ENDOV: variants seen among roughly 807,000 people sequenced by gnomAD.
The protein encoded by ENDOV is endonuclease V.
A neutral mutation model predicts 39.4 loss-of-function variants in ENDOV; 37 were observed. That is an observed-to-expected ratio of 0.94 (90% CI 0.72 to 1.23). ENDOV has a LOEUF of 1.23. ENDOV is among the 50% of genes most tolerant of loss of function. The pLI is 0.00. For missense variants in ENDOV, 441 were observed against 375.7 expected (o/e 1.17, Z -1.44); for synonymous variants, 186 against 163.4 (o/e 1.14, Z -1.05).
chr17:80,415,725 TC>T lies in ENDOV; in HGVS notation c.133del (p.Leu45CysfsTer12). 6.2e-7 allele frequency: 1 copy of T among 1,609,580 alleles called. No homozygotes were observed. The highest frequency in any genetic ancestry group is 8.5e-7 in the Non-Finnish European group (1 of 1,178,124). ...AWQRDPAFSG[L>X]QRVGGVDVSF... is the part of the protein sequence containing the mutation. ...GGCAGCGAGACCCCGCCTTCTCGGG[TC>T]TGCAGAGGGTCGGGGGCGTTGACGT... is the stretch of plus-strand genomic sequence containing the variant. On this transcript the variant is annotated frameshift_variant, in exon 2 of 10. Transcript: ENST00000518137. LOFTEE classifies it high-confidence loss of function.
Position 80,436,499 on chromosome 17 carries a change from T to A in ENDOV, c.*356T>A. On this transcript the variant is annotated 3_prime_UTR_variant, in exon 10 of 10. Transcript: ENST00000518137. ...TATCCTTAAAGGGTACTGGATTTTG[T>A]CAAATGCTTTTCTGGCCTCTATTGA... is the stretch of plus-strand genomic sequence containing the variant. 1 of 597,914 alleles carries A rather than the reference T, an allele frequency of 1.7e-6. No homozygotes were observed. Among genetic ancestry groups the A allele is most frequent in the Non-Finnish European group, 2.5e-6 (1 of 403,280 alleles). The allele number at this position is 597,914 out of a possible 1,614,324, so 37.0% of individuals were successfully genotyped here.
At chr17:80,422,093 T>C in intron 3 of ENDOV, 113 bp from the exon 4 acceptor site, 1 of 1,567,080 alleles carries the variant, frequency 6.4e-7, no homozygotes. Flanking sequence ...GGAATGAGGA[T>C]TTCTAAAAAG....
In ENDOV at chr17:80,436,460, T is replaced by G; in HGVS notation, c.*317T>G. The G allele has an allele frequency of 1.0e-6, 1 of 1,004,418 alleles. No homozygotes were observed. Among genetic ancestry groups the G allele is most frequent in the Non-Finnish European group, 1.3e-6 (1 of 755,852 alleles). 62.2% of individuals were successfully genotyped at this position (1,004,418 alleles called of 1,614,324 possible). On this transcript the variant is annotated 3_prime_UTR_variant, in exon 10 of 10. Transcript: ENST00000518137. Reference sequence around the variant, plus strand: ...GAAGACGGTCCCTTCTAGTCCTAATTTGTTAAGTGTTTTTATCCTTAAAGG... The same window carrying G: ...GAAGACGGTCCCTTCTAGTCCTAATGTGTTAAGTGTTTTTATCCTTAAAGG...
intron 9 of ENDOV, chr17:80,430,381 T>C (rs2083259683): frequency 2.0e-6 from 3 of 1,517,888 alleles, no homozygotes; most frequent in African/African-American, 2.8e-5. Flanking sequence ...ACATATTTGT[T>C]TGTTTGTTTA....
At chr17:80,432,209 G>A (rs908045186) in intron 9 of ENDOV, among the ~76,000 whole-genome samples, 8 of 152,108 alleles carry the variant, frequency 5.3e-5, no homozygotes, top group Non-Finnish European at 1.2e-4. Context: ...TTAAAGGTGG[G>A]GATACACATA....
chr17:80,425,011 A>G, intron 5 of ENDOV, 21 bp from the exon 6 acceptor site: 3 of 1,606,334 alleles, frequency 1.9e-6, no homozygotes, highest in Non-Finnish European at 1.7e-6. Context: ...TTTTTTCCCC[A>G]TTTTTCCCTC....
At chr17:80,426,949 G>C (rs1410823043) in intron 7 of ENDOV, among the ~76,000 whole-genome samples, 1 of 152,216 alleles carries the variant, frequency 6.6e-6, no homozygotes, top group Non-Finnish European at 1.5e-5. Context: ...TTACCCCACC[G>C]CTTGCCCTGC....
chr17:80,424,043 C>G (rs527810085), intron 5 of ENDOV: 3 of 372,264 alleles, frequency 8.1e-6, no homozygotes, highest in African/African-American at 6.3e-5. Flanking sequence ...AGGCCCCCCT[C>G]CCGCCAAGAC....
At chr17:80,430,622 A>T (rs2083274562) in intron 9 of ENDOV, among the ~76,000 whole-genome samples, 2 of 152,284 alleles carry the variant, frequency 1.3e-5, no homozygotes, top group South Asian at 4.1e-4. Context: ...GCCTCATCTC[A>T]GCCTGGAGGG....
rs1330552153 is a variant in ENDOV, at chr17:80,429,805, C to G, written c.812C>G (p.Pro271Arg). The change falls in exon 9 of 10, where the codon CCC (proline) becomes CGC (arginine). Residue 271 changes from proline (P) to arginine (R), a missense_variant. Transcript: ENST00000518137. Reference sequence around the variant, plus strand: ...AAGGCGCAGAGGCCAGTGGCATGCCCCAAAGGAGACTCCGGAGAGTCCTCA... The same window carrying G: ...AAGGCGCAGAGGCCAGTGGCATGCCGCAAAGGAGACTCCGGAGAGTCCTCA... ...SPKAQRPVACPKGDSGESSAL... is the reference protein window; with the variant it reads ...SPKAQRPVACRKGDSGESSAL... 6.2e-7 allele frequency: 1 copy of G among 1,612,386 alleles called. No homozygotes were observed. The highest frequency in any genetic ancestry group is 1.3e-5 in the African/African-American group (1 of 74,914).
At chr17:80,424,809 G>T (rs955805370) in intron 5 of ENDOV, among the ~76,000 whole-genome samples, 1 of 152,142 alleles carries the variant, frequency 6.6e-6, no homozygotes, top group Non-Finnish European at 1.5e-5. Context: ...CAAAAAATTA[G>T]CCGGGCGTGG....
chr17:80,433,096 T>C (rs925079855), intron 9 of ENDOV: 10 of 519,890 alleles, frequency 1.9e-5, no homozygotes, highest in Non-Finnish European at 3.8e-5. Flanking sequence ...CTTCTAGAGC[T>C]TTCCCTGTCC....
At chr17:80,426,258 A>G (rs1003596727) in intron 7 of ENDOV, among the ~76,000 whole-genome samples, 2 of 152,226 alleles carry the variant, frequency 1.3e-5, no homozygotes, top group African/African-American at 2.4e-5. Context: ...GTCCCAGAGA[A>G]GCCCACAGAG....
At chr17:80,433,362 G>A (rs1186088518) in intron 9 of ENDOV, among the ~76,000 whole-genome samples, 1 of 152,226 alleles carries the variant, frequency 6.6e-6, no homozygotes, top group African/African-American at 2.4e-5. Flanking sequence ...GAGAGGTGAG[G>A]CCCACAAGGC....
chr17:80,428,321 A>G, intron 7 of ENDOV: 1 of 484,218 alleles, frequency 2.1e-6, no homozygotes. Context: ...GGACCCCCTC[A>G]CTCAGCCTGT....
intron 7 of ENDOV, among the ~76,000 whole-genome samples, chr17:80,426,797 T>A (rs1385499275): frequency 6.6e-6 from 1 of 152,164 alleles, no homozygotes; most frequent in African/African-American, 2.4e-5. Context: ...TGGCTGTGAG[T>A]TGGCAGCGGG....
At chr17:80,432,036 A>G (rs2083360783) in intron 9 of ENDOV, among the ~76,000 whole-genome samples, 1 of 151,316 alleles carries the variant, frequency 6.6e-6, no homozygotes, top group African/African-American at 2.4e-5. Flanking sequence ...GGACAGCCAC[A>G]TGTGGGGTGC....
intron 9 of ENDOV, among the ~76,000 whole-genome samples, chr17:80,434,410 G>C (rs1053577468): frequency 3.3e-5 from 5 of 152,210 alleles, no homozygotes; most frequent in African/African-American, 1.2e-4. Flanking sequence ...GAAGACTGAT[G>C]TACACGCTTT....
intron 9 of ENDOV, among the ~76,000 whole-genome samples, chr17:80,432,301 C>T (rs1046335157): frequency 1.3e-5 from 2 of 152,038 alleles, no homozygotes; most frequent in African/African-American, 4.8e-5. Flanking sequence ...CTGGCTGGGC[C>T]CAGGAATGAG....
Sources: allele counts gnomAD v4.1 joint callset (sites outside exome capture counted in the v4.1 genomes callset), GRCh38; gene constraint gnomAD v4.1.1; transcripts MANE v1.5; gene names NCBI Gene and HGNC (gene_info 2026-07-23, HGNC 2026-07-21).